The following CFAP97D2 variants were observed in gnomAD, a reference collection of about 807,000 sequenced individuals.
The protein encoded by CFAP97D2 is CFAP97 domain containing 2.
In CFAP97D2 at chr13:114,207,052, C is replaced by G. The variant is rs4600345; in HGVS notation, c.291-4860C>G. Among the ~76,000 whole-genome samples, 9,958 of 152,306 alleles carry G rather than the reference C, an allele frequency of 0.065. 557 individuals are homozygous for G. Among genetic ancestry groups the G allele is most frequent in the African/African-American group, 0.13 (5,393 of 41,546 alleles). ...TTCCTGAGGGGATAAAAGAAAGAAGCTGTGGCCCTGGCACAGGCTGCCAAG... is the reference window on the plus strand; with the variant it reads ...TTCCTGAGGGGATAAAAGAAAGAAGGTGTGGCCCTGGCACAGGCTGCCAAG... On this transcript the variant is annotated intron_variant, in intron 3 of 4. Coordinates refer to ENST00000646158, the Ensembl canonical transcript of CFAP97D2. This position sits in a 1 kb window ranked among gnomAD's most constrained non-coding sequence, Gnocchi z 4.9.
chr13:114,187,565 T>A lies in CFAP97D2; in HGVS notation c.90+8145T>A, dbSNP rs2080856302. 6.6e-6 allele frequency among the ~76,000 whole-genome samples: 1 copy of A among 152,088 alleles called. No individual in the cohort carries two copies. The highest frequency in any genetic ancestry group is 6.6e-5 in the Admixed American group (1 of 15,266). ...TCGATTCTCCAAAAAGGCATAATAA[T>A]CCTTAATGTGCAAGCACCTAACAAT... On this transcript the variant is annotated intron_variant, in intron 1 of 4. Transcript: ENST00000646158. This position sits in a 1 kb window ranked among gnomAD's most constrained non-coding sequence, Gnocchi z 4.2.
chr13:114,222,909 T>G, downstream of CFAP97D2: 1 of 193,632 alleles, frequency 5.2e-6, no homozygotes. The surrounding 1 kb of genome is among the most constrained non-coding windows in gnomAD (Gnocchi z 4.4). Flanking sequence ...AGGTGAGGGT[T>G]TGAATTAGAT....
chr13:114,195,456 G>A (rs983932133), intron 1 of CFAP97D2, among the ~76,000 whole-genome samples: 1 of 152,152 alleles, frequency 6.6e-6, no homozygotes, highest in African/African-American at 2.4e-5. Context: ...TCCATGTGCT[G>A]GGGGTTTCTT....
Position 114,193,996 on chromosome 13 carries a change from TA to T in CFAP97D2, c.91-2393del, listed in dbSNP as rs1345830876. ...TAACATTTTACTTCCTAATGTCTTT[TA>T]AAAAAACAAAACAAAACACCTCACT... On this transcript the variant is annotated intron_variant, in intron 1 of 4. Coordinates refer to ENST00000646158, the Ensembl canonical transcript of CFAP97D2. Among the ~76,000 whole-genome samples, 10 of 152,310 alleles carry T rather than the reference TA, an allele frequency of 6.6e-5. No homozygotes were observed. In the East Asian group the frequency reaches 7.7e-4, roughly 12 times the overall value.
intron 1 of CFAP97D2, among the ~76,000 whole-genome samples, chr13:114,181,354 A>G (rs1034194784): frequency 3.9e-5 from 6 of 152,196 alleles, no homozygotes; most frequent in African/African-American, 1.2e-4. Context: ...TGGCAGGGGT[A>G]TGCTGAGGGG....
At chr13:114,192,057 C>T (rs1041286331) in intron 1 of CFAP97D2, among the ~76,000 whole-genome samples, 24 of 11,374 alleles carry the variant, frequency 2.1e-3, no homozygotes, top group East Asian at 8.5e-3. Context: ...TAAAAAGATA[C>T]GGGTGGGTGG....
chr13:114,210,808 C>T (rs2080963369), intron 3 of CFAP97D2, among the ~76,000 whole-genome samples: 1 of 151,906 alleles, frequency 6.6e-6, no homozygotes. Context: ...CAGTGCCTCC[C>T]TCTCAGGTCA....
At chr13:114,218,147 C>G (rs2081004275) in intron 4 of CFAP97D2, among the ~76,000 whole-genome samples, 1 of 152,248 alleles carries the variant, frequency 6.6e-6, no homozygotes, top group East Asian at 1.9e-4. Flanking sequence ...ACCCCAAAAT[C>G]TCCTTAAGCT....
rs1271455197 is a variant in CFAP97D2, at chr13:114,222,265, A to T, written c.481-233A>T. On this transcript the variant is annotated intron_variant, in intron 4 of 4. Coordinates refer to ENST00000646158, the Ensembl canonical transcript of CFAP97D2. This position sits in a 1 kb window ranked among gnomAD's most constrained non-coding sequence, Gnocchi z 4.4. ...GGGGGAGGTGATGAAGATGTTCTGAAATTATATTGTGACAATAGTTGCACA... is the reference window on the plus strand; with the variant it reads ...GGGGGAGGTGATGAAGATGTTCTGATATTATATTGTGACAATAGTTGCACA... Among the ~76,000 whole-genome samples, 1 of 152,184 alleles carries T rather than the reference A, an allele frequency of 6.6e-6. No individual in the cohort carries two copies. The highest frequency in any genetic ancestry group is 1.5e-5 in the Non-Finnish European group (1 of 68,044).
At chr13:114,215,896 CT>C (rs1219934665) in intron 4 of CFAP97D2, 3 of 152,244 alleles carry the variant, frequency 2.0e-5, no homozygotes. Context: ...ACAATTCCAT[CT>C]GTGGGCTGGG....
At chr13:114,182,436 T>A (rs1436261867) in intron 1 of CFAP97D2, among the ~76,000 whole-genome samples, 1 of 151,864 alleles carries the variant, frequency 6.6e-6, no homozygotes, top group Non-Finnish European at 1.5e-5. Context: ...TTCCTCTATC[T>A]CAACTGCAAG....
rs1468519006 is a variant in CFAP97D2, at chr13:114,203,083, G to A, written c.290+2640G>A. 6.6e-6 allele frequency among the ~76,000 whole-genome samples: 1 copy of A among 152,136 alleles called. No homozygotes were observed. The highest frequency in any genetic ancestry group is 1.5e-5 in the Non-Finnish European group (1 of 68,038). ...AATTTAGAAAAGTGCAAGCCTCACT[G>A]GACATGAAAATAAAAGACATCGAAA... On this transcript the variant is annotated intron_variant, in intron 3 of 4. Coordinates refer to ENST00000646158, the Ensembl canonical transcript of CFAP97D2. The surrounding 1 kb of genome is among the most constrained non-coding windows in gnomAD (Gnocchi z 4.3).
chr13:114,205,348 A>G (rs2080934840), intron 3 of CFAP97D2, among the ~76,000 whole-genome samples: 1 of 152,262 alleles, frequency 6.6e-6, no homozygotes, highest in African/African-American at 2.4e-5. Flanking sequence ...TATAACCAAG[A>G]GAAATGAAAA....
intron 4 of CFAP97D2, among the ~76,000 whole-genome samples, chr13:114,220,178 A>G (rs1439486959): frequency 6.6e-6 from 1 of 152,150 alleles, no homozygotes; most frequent in Non-Finnish European, 1.5e-5. Context: ...CCCAGCGGCC[A>G]CCTTGACCTG....
At position 114,187,956 on chromosome 13, in the gene CFAP97D2, G is replaced by A. The variant is rs951303745; in HGVS notation, c.91-8440G>A. On this transcript the variant is annotated intron_variant, in intron 1 of 4. Coordinates refer to ENST00000646158, the Ensembl canonical transcript of CFAP97D2. This position sits in a 1 kb window ranked among gnomAD's most constrained non-coding sequence, Gnocchi z 4.2. The stretch of plus-strand genomic sequence containing the variant: ...TAGAAGTCAATAACAAAGATAACTG[G>A]AAGATCCCAAAACATGTGAATATTA... Among the ~76,000 whole-genome samples, 1 of 152,064 alleles carries A rather than the reference G, an allele frequency of 6.6e-6. No homozygotes were observed. Among genetic ancestry groups the A allele is most frequent in the Non-Finnish European group, 1.5e-5 (1 of 68,016 alleles).
chr13:114,212,031 G>A, exon 4 of CFAP97D2: 1 of 398,702 alleles, frequency 2.5e-6, no homozygotes. Context: ...GTGAAGACTG[G>A]GGCAGGGCTG....
At chr13:114,191,945 C>T (rs1372406794) in intron 1 of CFAP97D2, among the ~76,000 whole-genome samples, 1 of 151,910 alleles carries the variant, frequency 6.6e-6, no homozygotes, top group African/African-American at 2.4e-5. Context: ...AGAACCTTAA[C>T]TGCATATTAT....
Position 114,189,235 on chromosome 13 carries a change from T to C in CFAP97D2, c.91-7161T>C, listed in dbSNP as rs899716586. ...ATTTATGCCCACAAATTTGATAACCTAAATGAAAAGGGCCAATTTCTTCAA... is the reference window on the plus strand; with the variant it reads ...ATTTATGCCCACAAATTTGATAACCCAAATGAAAAGGGCCAATTTCTTCAA... On this transcript the variant is annotated intron_variant, in intron 1 of 4. Transcript: ENST00000646158. This position sits in a 1 kb window ranked among gnomAD's most constrained non-coding sequence, Gnocchi z 4.5. Among the ~76,000 whole-genome samples, 1 of 152,074 alleles carries C rather than the reference T, an allele frequency of 6.6e-6. No homozygotes were observed. The highest frequency in any genetic ancestry group is 2.4e-5 in the African/African-American group (1 of 41,426).
chr13:114,182,053 C>T (rs1027134647), intron 1 of CFAP97D2, among the ~76,000 whole-genome samples: 2 of 152,088 alleles, frequency 1.3e-5, no homozygotes, highest in Admixed American at 1.3e-4. Flanking sequence ...TACCAAGGAC[C>T]TGCACCAGCA....
Sources: allele counts gnomAD v4.1 joint callset (sites outside exome capture counted in the v4.1 genomes callset), GRCh38; gene constraint gnomAD v4.1.1; non-coding constraint Gnocchi (gnomAD v3.1); transcripts MANE v1.5; gene names NCBI Gene and HGNC (gene_info 2026-07-23, HGNC 2026-07-21).